RSF1: variants seen among roughly 807,000 people sequenced by gnomAD.
RSF1 encodes the protein HBV pX-associated protein 8.
A neutral mutation model predicts 145.2 loss-of-function variants in RSF1; 13 were observed. The ratio of observed to expected loss-of-function variants is 0.09; its 90% CI spans 0.06 to 0.14. The LOEUF (loss-of-function observed/expected upper bound fraction) is 0.14, where lower values mean the gene tolerates loss of function less well. Among genes scored for constraint, RSF1 ranks in the 10% least tolerant of loss-of-function variants. The pLI, the probability that RSF1 is intolerant of heterozygous loss-of-function variation, is 1.00. For synonymous variants in RSF1, 577 were observed against 592.6 expected (o/e 0.97, Z 0.38); for missense variants, 1,517 against 1,718.2 (o/e 0.88, Z 2.07).
At chr11:77,821,870 C>T (rs1345558189), upstream of RSF1, among the ~76,000 whole-genome samples, 1 of 152,046 alleles carries the variant, frequency 6.6e-6, no homozygotes, top group East Asian at 1.9e-4. Context: ...TGAGTCCTAG[C>T]GGGGCTACTT....
At chr11:77,730,298 G>A (rs1446636448) in intron 4 of RSF1, among the ~76,000 whole-genome samples, 1 of 152,042 alleles carries the variant, frequency 6.6e-6, no homozygotes, top group Non-Finnish European at 1.5e-5. Flanking sequence ...GTAATTATGG[G>A]TACATGAAAA....
At chr11:77,691,644 T>A (rs1544273) in intron 8 of RSF1, 27,850 of 157,258 alleles carry the variant, frequency 0.18, 3,140 homozygotes, top group African/African-American at 0.3. Context: ...TTAAAAAAGG[T>A]GACTGGGCTG....
chr11:77,685,178 C>G lies in RSF1; in HGVS notation c.2901-19G>C. The G allele has an allele frequency of 6.8e-7, 1 of 1,460,386 alleles. No individual in the cohort carries two copies. The highest frequency in any genetic ancestry group is 9.3e-7 in the Non-Finnish European group (1 of 1,074,284). The allele number at this position is 1,460,386 out of a possible 1,614,324, so 90.5% of individuals were successfully genotyped here. The stretch of plus-strand genomic sequence containing the variant: ...TTCTTTTCTTTAGGTGAAAAACAAA[C>G]AAAATACATGAGATTTGCAGAAAAT... On this transcript the variant is annotated intron_variant, in intron 9 of 15. Coordinates refer to ENST00000308488, the MANE Select transcript of RSF1 (RefSeq NM_016578.4).
intron 1 of RSF1, among the ~76,000 whole-genome samples, chr11:77,818,020 T>C (rs574888805): frequency 2.6e-5 from 4 of 152,322 alleles, no homozygotes; most frequent in African/African-American, 9.6e-5. Context: ...TGCCAAGTGT[T>C]CTGAACTGTG....
intron 6 of RSF1, among the ~76,000 whole-genome samples, chr11:77,698,909 G>T (rs577325949): frequency 6.6e-6 from 1 of 152,028 alleles, no homozygotes; most frequent in South Asian, 2.1e-4. Flanking sequence ...TCTTAAAACC[G>T]AATTATAATG....
At chr11:77,789,513 G>A (rs1412494537) in intron 1 of RSF1, among the ~76,000 whole-genome samples, 1 of 152,204 alleles carries the variant, frequency 6.6e-6, no homozygotes, top group Non-Finnish European at 1.5e-5. Flanking sequence ...GCATGAGCAA[G>A]TGGCAGGCCA....
chr11:77,821,001 A>T (rs547512321), upstream of RSF1: 22 of 309,656 alleles, frequency 7.1e-5, no homozygotes, highest in East Asian at 6.9e-4. Flanking sequence ...CTCGTGTGAC[A>T]GGGGGAATGA....
intron 2 of RSF1, among the ~76,000 whole-genome samples, chr11:77,753,783 T>C (rs749514378): frequency 2.0e-5 from 3 of 152,206 alleles, no homozygotes; most frequent in Non-Finnish European, 2.9e-5. Context: ...ATAACATCAC[T>C]ATTGTACAAC....
chr11:77,686,656 AGGTT>A, intron 9 of RSF1, among the ~76,000 whole-genome samples: 1 of 152,070 alleles, frequency 6.6e-6, no homozygotes, highest in Non-Finnish European at 1.5e-5. Context: ...TTTTAGAGAT[AGGTT>A]GTGATGCTAT....
At chr11:77,776,554 A>G (rs1436777577) in intron 1 of RSF1, among the ~76,000 whole-genome samples, 18 of 152,182 alleles carry the variant, frequency 1.2e-4, no homozygotes, top group Admixed American at 1.2e-3. Flanking sequence ...TATAGTTTCT[A>G]GTTATTTCAA....
At chr11:77,791,142 G>C (rs1337097782) in intron 1 of RSF1, among the ~76,000 whole-genome samples, 1 of 152,182 alleles carries the variant, frequency 6.6e-6, no homozygotes, top group Non-Finnish European at 1.5e-5. Flanking sequence ...TGGGTATCTA[G>C]GTATTTCCAT....
At chr11:77,744,535 G>A (rs1947978962) in intron 3 of RSF1, among the ~76,000 whole-genome samples, 1 of 151,764 alleles carries the variant, frequency 6.6e-6, no homozygotes, top group Admixed American at 6.6e-5. Flanking sequence ...GAACTCCTGG[G>A]CTAAAGTGAT....
intron 2 of RSF1, chr11:77,764,359 A>G (rs1793038192): frequency 7.4e-6 from 3 of 406,328 alleles, no homozygotes; most frequent in Non-Finnish European, 1.3e-5. Flanking sequence ...AAAAGTCCTG[A>G]GCACAGTGTT....
chr11:77,708,225 G>C (rs1590842881), intron 5 of RSF1, among the ~76,000 whole-genome samples: 2 of 152,130 alleles, frequency 1.3e-5, no homozygotes, highest in South Asian at 2.1e-4. Context: ...TTTGAGACCA[G>C]CCTGGGCAAC....
chr11:77,710,009 A>C (rs529557458), intron 5 of RSF1, among the ~76,000 whole-genome samples: 57 of 152,366 alleles, frequency 3.7e-4, no homozygotes, highest in Admixed American at 9.2e-4. Context: ...ATAGCAAAGA[A>C]AACCACACAA....
intron 11 of RSF1, among the ~76,000 whole-genome samples, 174 bp downstream of exon 11, chr11:77,683,536 C>A (rs1265098560): frequency 1.4e-5 from 2 of 148,082 alleles, no homozygotes; most frequent in African/African-American, 5.0e-5. Flanking sequence ...GAGACTCAGT[C>A]TCAAAAAAAA....
At chr11:77,793,190 C>T (rs2135968818) in intron 1 of RSF1, among the ~76,000 whole-genome samples, 1 of 152,192 alleles carries the variant, frequency 6.6e-6, no homozygotes, top group African/African-American at 2.4e-5. Flanking sequence ...GATAAAGAAA[C>T]ATGATCTGGC....
chr11:77,773,311 C>T lies in RSF1; in HGVS notation c.188-8622G>A, dbSNP rs528101623. ...TTTTTTTTTAGTGTACAATCAGTGGCGCCAATTACATGCCCAGCACTGCAC... is the reference window on the plus strand; with the variant it reads ...TTTTTTTTTAGTGTACAATCAGTGGTGCCAATTACATGCCCAGCACTGCAC... On this transcript the variant is annotated intron_variant, in intron 1 of 15. Coordinates refer to ENST00000308488, the MANE Select transcript of RSF1 (RefSeq NM_016578.4). 4.6e-5 allele frequency among the ~76,000 whole-genome samples: 7 copies of T among 151,866 alleles called. No individual in the cohort carries two copies. In the South Asian group the frequency reaches 6.2e-4, roughly 14 times the overall value.
In RSF1 at chr11:77,672,213, C is replaced by G; in HGVS notation, c.3580G>C (p.Asp1194His). ...GTTTCTACAAAATCATCACTAAAAT[C>G]ATCACTGAAGTCACTTTCTATTTTA... The part of the protein sequence containing the change: ...SRDSESDFSD[D>H]FSDDFVETRR... The change falls in exon 15 of 16, where the codon GAT becomes CAT. Residue 1194 changes from aspartate to histidine, a missense_variant. Coordinates refer to ENST00000308488, the MANE Select transcript of RSF1 (RefSeq NM_016578.4). The G allele has an allele frequency of 6.2e-7, 1 of 1,605,082 alleles. No homozygotes were observed. The highest frequency in any genetic ancestry group is 1.1e-5 in the South Asian group (1 of 88,476).
Sources: allele counts gnomAD v4.1 joint callset (sites outside exome capture counted in the v4.1 genomes callset), GRCh38; gene constraint gnomAD v4.1.1; transcripts MANE v1.5; gene names NCBI Gene and HGNC (gene_info 2026-07-23, HGNC 2026-07-21).